Variants in MCC observed in about 807,000 individuals in gnomAD.
The protein encoded by MCC is MCC regulator of Wnt signaling pathway.
In MCC, 90 loss-of-function variants were observed where a neutral mutation model predicts 116.2. The observed-to-expected ratio is 0.77, with a 90% CI of 0.65 to 0.92. The LOEUF is 0.92. MCC is among the 40% of genes least tolerant of loss of function. MCC has a pLI of 0.00. For synonymous variants in MCC, 578 were observed against 510.5 expected (o/e 1.13, Z -1.78); for missense variants, 1,516 against 1,312.2 (o/e 1.16, Z -2.40).
At chr5:113,059,811 T>C (rs762217482) in intron 14 of MCC, among the ~76,000 whole-genome samples, 1 of 152,216 alleles carries the variant, frequency 6.6e-6, no homozygotes, top group South Asian at 2.1e-4. Context: ...CTGGTGGGAA[T>C]GCGGGGCTGG....
At chr5:113,182,631 T>C (rs934807326) in intron 3 of MCC, among the ~76,000 whole-genome samples, 5 of 152,174 alleles carry the variant, frequency 3.3e-5, no homozygotes, top group Non-Finnish European at 7.3e-5. Context: ...AAAAGCTACA[T>C]GAAGATACTC....
intron 2 of MCC, among the ~76,000 whole-genome samples, chr5:113,362,233 G>A (rs1170316963): frequency 6.6e-6 from 1 of 152,046 alleles, no homozygotes; most frequent in Non-Finnish European, 1.5e-5. Flanking sequence ...CACCATGTTG[G>A]CCAGGCTGGT....
rs762679921 is a variant in MCC at position 113,434,551 on chromosome 5, C to T, written c.171-49339G>A. 10 of 1,612,754 alleles carry T rather than the reference C, an allele frequency of 6.2e-6. No homozygotes were observed. The highest frequency in any genetic ancestry group is 5.5e-5 in the South Asian group (5 of 91,052). ...CGGGTTTTGATTAACTCGAGGAGGTCGCCCTGGACCGCGAGCTCCATGACG... is the reference window on the plus strand; with the variant it reads ...CGGGTTTTGATTAACTCGAGGAGGTTGCCCTGGACCGCGAGCTCCATGACG... On this transcript the variant is annotated intron_variant, in intron 1 of 18. Transcript: ENST00000408903. The surrounding 1 kb of genome is among the most constrained non-coding windows in gnomAD (Gnocchi z 4.2).
chr5:113,329,383 T>C (rs1007242268), intron 3 of MCC, among the ~76,000 whole-genome samples: 13 of 150,256 alleles, frequency 8.7e-5, no homozygotes, highest in South Asian at 4.2e-4. Flanking sequence ...ACTATATATA[T>C]ACACACACAC....
chr5:113,343,518 A>G (rs1768060185), intron 2 of MCC, among the ~76,000 whole-genome samples: 1 of 152,182 alleles, frequency 6.6e-6, no homozygotes, highest in Admixed American at 6.5e-5. Flanking sequence ...TGGCAAGAAG[A>G]CTAACAGAGG....
intron 3 of MCC, among the ~76,000 whole-genome samples, chr5:113,184,445 C>T (rs1161241157): frequency 6.6e-6 from 1 of 151,312 alleles, no homozygotes; most frequent in Non-Finnish European, 1.5e-5. Context: ...CACACTTTTC[C>T]CACATAGCAA....
At chr5:113,216,441 C>A (rs756988340) in intron 3 of MCC, among the ~76,000 whole-genome samples, 8 of 152,146 alleles carry the variant, frequency 5.3e-5, no homozygotes, top group Admixed American at 2.0e-4. Context: ...GAACATCCCT[C>A]CATCAGTGAC....
chr5:113,100,911 G>T (rs920443570), intron 8 of MCC, among the ~76,000 whole-genome samples: 2 of 152,166 alleles, frequency 1.3e-5, no homozygotes, highest in African/African-American at 4.8e-5. Context: ...AGTTCTGAGG[G>T]AAGTGTTTGA....
intron 3 of MCC, among the ~76,000 whole-genome samples, chr5:113,309,810 CCTTT>C (rs1221807782): frequency 6.6e-6 from 1 of 151,854 alleles, no homozygotes; most frequent in African/African-American, 2.4e-5. Flanking sequence ...TCATTTCTTT[CCTTT>C]CTTTCTTTCC....
chr5:113,064,151 A>G lies in MCC; in HGVS notation c.2046T>C (p.Asp682=), dbSNP rs1315867450. 6.2e-7 allele frequency: 1 copy of G among 1,612,094 alleles called. No individual in the cohort carries two copies. Among genetic ancestry groups the G allele is most frequent in the Non-Finnish European group, 8.5e-7 (1 of 1,178,890 alleles). ...GCTTGAGCATCTGAGTGATGTTTTC[A>G]TCCCCCGACTGGTCTCCTATGTGGC... ...VGSSPGDQSG[D]ENITQMLKRA... is the part of the protein sequence containing the mutation. The change falls in exon 14 of 19, where the codon GAT becomes GAC. Residue 682 remains aspartate, a synonymous_variant. Coordinates refer to ENST00000408903, the MANE Select transcript of MCC (RefSeq NM_001085377.2).
intron 14 of MCC, among the ~76,000 whole-genome samples, chr5:113,058,897 C>A (rs910936157): frequency 6.6e-6 from 1 of 152,198 alleles, no homozygotes; most frequent in African/African-American, 2.4e-5. Flanking sequence ...ACACCTAACA[C>A]CAGACTCAGA....
intron 2 of MCC, among the ~76,000 whole-genome samples, chr5:113,357,683 A>C (rs1340968607): frequency 6.6e-6 from 1 of 152,178 alleles, no homozygotes; most frequent in African/African-American, 2.4e-5. Flanking sequence ...CTTAACTCAT[A>C]TATGACCTTC....
intron 3 of MCC, among the ~76,000 whole-genome samples, chr5:113,152,364 C>T (rs6594691): frequency 0.12 from 18,528 of 152,166 alleles, 1,501 homozygotes; most frequent in African/African-American, 0.23. Flanking sequence ...CACCCTGAAA[C>T]GTCCTTTGAA....
At chr5:113,364,239 A>AAAAAAAAAAAAAAAAAAAAAACAG (rs1768627892) in intron 2 of MCC, among the ~76,000 whole-genome samples, 1 of 64,944 alleles carries the variant, frequency 1.5e-5, no homozygotes, top group South Asian at 4.0e-4. Context: ...TCAAAAACAG[A>AAAAAAAAAAAAAAAAAAAAAACAG]AAAAAAAAAA....
intron 8 of MCC, among the ~76,000 whole-genome samples, chr5:113,091,167 C>T (rs1254807507): frequency 1.3e-5 from 2 of 152,246 alleles, no homozygotes; most frequent in Non-Finnish European, 2.9e-5. Context: ...AAACCCCAGA[C>T]CAGTGGCACC....
chr5:113,074,968 C>T (rs114163966), intron 11 of MCC, among the ~76,000 whole-genome samples: 22,010 of 152,276 alleles, frequency 0.14, 1,817 homozygotes, highest in South Asian at 0.22. Flanking sequence ...GCTCAAGGAG[C>T]GCTTCAGCCC....
chr5:113,458,285 G>C (rs1331404986), intron 1 of MCC, among the ~76,000 whole-genome samples: 1 of 152,048 alleles, frequency 6.6e-6, no homozygotes, highest in Non-Finnish European at 1.5e-5. Flanking sequence ...CCTGAAGCCA[G>C]CGAGACCATG....
chr5:113,329,326 G>A (rs1307775027), intron 3 of MCC, among the ~76,000 whole-genome samples: 2 of 152,162 alleles, frequency 1.3e-5, no homozygotes, highest in South Asian at 2.1e-4. Context: ...ATTGGAAGAA[G>A]AGCATCTTAT....
intron 11 of MCC, among the ~76,000 whole-genome samples, chr5:113,078,929 T>C (rs190365856): frequency 6.6e-6 from 1 of 152,204 alleles, no homozygotes; most frequent in African/African-American, 2.4e-5. Context: ...CAGCCCAAAA[T>C]CTCCTTAAGC....
Sources: gnomAD v4.1 joint callset for allele counts (sites outside exome capture counted in the v4.1 genomes callset) on GRCh38, gnomAD v4.1.1 for gene constraint, Gnocchi (gnomAD v3.1) non-coding constraint, MANE v1.5 for transcripts, NCBI Gene and HGNC (gene_info 2026-07-23, HGNC 2026-07-21) for gene names.